BMPR1B: variants seen among roughly 807,000 people sequenced by gnomAD.
BMPR1B encodes bone morphogenetic protein receptor type-1B.
Under a neutral mutation model 59.1 loss-of-function variants are expected in BMPR1B, and 12 were observed. The observed-to-expected ratio is 0.20, with a 90% CI of 0.13 to 0.33. BMPR1B has a LOEUF of 0.33. Among genes scored for constraint, BMPR1B ranks in the 10% least tolerant of loss-of-function variants. The pLI is 1.00. For synonymous variants in BMPR1B, 237 were observed against 207.3 expected, an observed-to-expected ratio of 1.14 and a Z score of -1.23; for missense variants, 550 against 610.9, an observed-to-expected ratio of 0.90 and a Z score of 1.05.
intron 2 of BMPR1B, among the ~76,000 whole-genome samples, chr4:94,890,399 T>C (rs544404805): frequency 1.3e-5 from 2 of 152,094 alleles, no homozygotes; most frequent in Non-Finnish European, 2.9e-5. Flanking sequence ...TTATGAACAA[T>C]TGGCAATTGA....
intron 2 of BMPR1B, among the ~76,000 whole-genome samples, chr4:94,945,753 A>G (rs56712127): frequency 0.02 from 2,973 of 152,354 alleles, 95 homozygotes; most frequent in African/African-American, 0.067. Context: ...TTTATGACAT[A>G]TAAGTTATAT....
At chr4:94,853,746 CCTCCATTTCTCCAAATCA>C (rs1396798141) in intron 1 of BMPR1B, among the ~76,000 whole-genome samples, 5 of 152,016 alleles carry the variant, frequency 3.3e-5, no homozygotes, top group Non-Finnish European at 2.9e-5. Context: ...CACACCTCAC[CCTCCATTTCTCCAAATCA>C]CTGCAAAAGC....
At chr4:95,045,914 T>C (rs2149179682) in intron 3 of BMPR1B, among the ~76,000 whole-genome samples, 1 of 152,322 alleles carries the variant, frequency 6.6e-6, no homozygotes, top group South Asian at 2.1e-4. Context: ...TCAGGAGATT[T>C]GGGGAGTTTC....
chr4:95,151,267 T>G (rs1462704056), intron 11 of BMPR1B, among the ~76,000 whole-genome samples: 1 of 152,188 alleles, frequency 6.6e-6, no homozygotes, highest in Non-Finnish European at 1.5e-5. Flanking sequence ...ATTCATAATT[T>G]TAAGTGGTGA....
chr4:94,797,506 G>A (rs764840116), intron 1 of BMPR1B, among the ~76,000 whole-genome samples: 25 of 152,284 alleles, frequency 1.6e-4, no homozygotes, highest in Admixed American at 6.5e-4. Context: ...ACGATTTAAC[G>A]AAATATTAAA....
In BMPR1B at chr4:95,128,569, TTC is replaced by T. The variant is rs533576098; in HGVS notation, c.586-1289_586-1288del. On this transcript the variant is annotated intron_variant, in intron 8 of 12. Coordinates refer to ENST00000515059, the MANE Select transcript of BMPR1B (RefSeq NM_001203.3). ...TAATGCCACTTAACTCATATTTTCA[TTC>T]TCTTTGTCTGTACTCCACTCTTTAT... Among the ~76,000 whole-genome samples, 226 of 152,292 alleles carry T rather than the reference TTC, an allele frequency of 1.5e-3. 1 individual carries two copies. Among genetic ancestry groups the T allele is most frequent in the African/African-American group, 5.3e-3 (221 of 41,562 alleles).
intron 1 of BMPR1B, among the ~76,000 whole-genome samples, chr4:94,810,503 C>T (rs1723771945): frequency 6.6e-6 from 1 of 152,086 alleles, no homozygotes; most frequent in African/African-American, 2.4e-5. Context: ...CTTACAGTAA[C>T]TTGTGTTGTT....
At chr4:94,955,736 C>T (rs900328268) in intron 2 of BMPR1B, among the ~76,000 whole-genome samples, 9 of 151,582 alleles carry the variant, frequency 5.9e-5, no homozygotes, top group Non-Finnish European at 1.3e-4. Flanking sequence ...TCAAGCGATT[C>T]TCCTGTCTTA....
intron 2 of BMPR1B, among the ~76,000 whole-genome samples, chr4:94,984,787 G>A (rs577494873): frequency 4.8e-4 from 73 of 152,254 alleles, no homozygotes; most frequent in Non-Finnish European, 7.2e-4. Flanking sequence ...ACTGGTGTGC[G>A]CTTTTCCCTT....
intron 2 of BMPR1B, among the ~76,000 whole-genome samples, chr4:94,987,756 G>T (rs901631247): frequency 6.7e-6 from 1 of 148,286 alleles, no homozygotes; most frequent in Non-Finnish European, 1.5e-5. Context: ...ATATACGGCA[G>T]TTTTTTTTTT....
At chr4:94,860,295 G>A (rs1725928214) in intron 1 of BMPR1B, among the ~76,000 whole-genome samples, 1 of 152,228 alleles carries the variant, frequency 6.6e-6, no homozygotes, top group East Asian at 1.9e-4. Flanking sequence ...AGCAAAAACC[G>A]AGTATTTAGA....
intron 2 of BMPR1B, among the ~76,000 whole-genome samples, chr4:94,983,079 G>T (rs1167857691): frequency 2.0e-5 from 3 of 151,854 alleles, no homozygotes; most frequent in Non-Finnish European, 4.4e-5. Context: ...AGTTTCTTCT[G>T]CTTGGAATGC....
At chr4:94,886,145 A>C (rs1397531159) in intron 2 of BMPR1B, among the ~76,000 whole-genome samples, 4 of 152,200 alleles carry the variant, frequency 2.6e-5, no homozygotes, top group African/African-American at 9.6e-5. Flanking sequence ...AACAAGTGAA[A>C]AATAATATAT....
intron 1 of BMPR1B, among the ~76,000 whole-genome samples, chr4:94,783,806 A>G (rs1390931331): frequency 6.6e-6 from 1 of 152,110 alleles, no homozygotes; most frequent in Non-Finnish European, 1.5e-5. Flanking sequence ...GGAAGCTCTG[A>G]CCACTTGGCC....
chr4:95,056,509 AAC>A (rs1726939205), intron 3 of BMPR1B, among the ~76,000 whole-genome samples: 1 of 152,150 alleles, frequency 6.6e-6, no homozygotes, highest in African/African-American at 2.4e-5. Flanking sequence ...AACTAAAGGA[AAC>A]ACAGGCCTCA....
chr4:95,026,732 C>T (rs907453804), intron 3 of BMPR1B, among the ~76,000 whole-genome samples: 8 of 144,122 alleles, frequency 5.6e-5, no homozygotes, highest in African/African-American at 2.1e-4. Flanking sequence ...CTACCCTCCC[C>T]TCCCTTCTCC....
At position 95,050,751 on chromosome 4, in the gene BMPR1B, T is replaced by A. The variant is rs1349908391; in HGVS notation, c.-17-53657T>A. Reference sequence around the variant, plus strand: ...AAACTGATGGGATTTAATAATGACGTCTTTTTGTATTTGTCTATGGTAGCA... The same window carrying A: ...AAACTGATGGGATTTAATAATGACGACTTTTTGTATTTGTCTATGGTAGCA... On this transcript the variant is annotated intron_variant, in intron 3 of 12. Transcript: ENST00000515059. Among the ~76,000 whole-genome samples, 7 of 152,226 alleles carry A rather than the reference T, an allele frequency of 4.6e-5. No homozygotes were observed. In the East Asian group the frequency reaches 1.3e-3, roughly 29 times the overall value.
chr4:94,760,461 G>A lies in BMPR1B; in HGVS notation c.-183+2393G>A, dbSNP rs560082272. On this transcript the variant is annotated intron_variant, in intron 1 of 12. Transcript: ENST00000515059. ...CTGATTTATTATTATTTGTTTAAAA[G>A]TATAAGGCAGTTTAAAATGTGCTTA... Among the ~76,000 whole-genome samples the A allele has an allele frequency of 4.6e-5, 7 of 152,278 alleles. No homozygotes were observed. The East Asian group carries it at 7.7e-4, about 17-fold the overall frequency.
intron 3 of BMPR1B, among the ~76,000 whole-genome samples, chr4:95,082,231 T>C (rs1023179163): frequency 3.4e-5 from 5 of 148,748 alleles, no homozygotes; most frequent in African/African-American, 1.2e-4. Context: ...TTTAACATAG[T>C]AAATATCGAA....
Sources: allele counts gnomAD v4.1 joint callset (sites outside exome capture counted in the v4.1 genomes callset), GRCh38; gene constraint gnomAD v4.1.1; transcripts MANE v1.5; gene names NCBI Gene and HGNC (gene_info 2026-07-23, HGNC 2026-07-21).